The following SGCZ variants were observed in gnomAD, a reference collection of about 807,000 sequenced individuals.
SGCZ encodes sarcoglycan zeta.
A neutral mutation model predicts 41.3 loss-of-function variants in SGCZ; 40 were observed. The ratio of observed to expected loss-of-function variants is 0.97; its 90% CI spans 0.75 to 1.26. The LOEUF (loss-of-function observed/expected upper bound fraction) is 1.26. Among genes scored for constraint, SGCZ ranks in the 50% most tolerant of loss-of-function variants. The pLI is 0.00. For missense variants in SGCZ, 552 were observed against 369.8 expected, an observed-to-expected ratio of 1.49 and a Z score of -4.04; for synonymous variants, 206 against 137.5, an observed-to-expected ratio of 1.50 and a Z score of -3.49.
At chr8:14,938,918 A>G (rs1437629318) in intron 1 of SGCZ, among the ~76,000 whole-genome samples, 1 of 151,960 alleles carries the variant, frequency 6.6e-6, no homozygotes, top group Non-Finnish European at 1.5e-5. Context: ...TGCTGAACCT[A>G]TGGATTCAAA....
chr8:14,350,323 T>C lies in SGCZ; in HGVS notation c.235-26119A>G, dbSNP rs73518226. On this transcript the variant is annotated intron_variant, in intron 2 of 7. Transcript: ENST00000382080. ...TGCATCTGTTTGTGATGGGAACAGG[T>C]CATATTCAATAATCTTAAGAAGCAA... is the stretch of plus-strand genomic sequence containing the variant. Among the ~76,000 whole-genome samples, 1,519 of 152,100 alleles carry C rather than the reference T, an allele frequency of 1.0e-2. 16 individuals are homozygous for C. Among genetic ancestry groups the C allele is most frequent in the African/African-American group, 0.022 (916 of 41,508 alleles).
intron 1 of SGCZ, among the ~76,000 whole-genome samples, chr8:14,653,248 C>G (rs372460015): frequency 2.5e-4 from 38 of 151,948 alleles, no homozygotes; most frequent in African/African-American, 8.5e-4. Context: ...TGTGTCAATT[C>G]TGGTTTGAGG....
At chr8:14,544,925 C>G (rs1803578298) in intron 2 of SGCZ, among the ~76,000 whole-genome samples, 1 of 151,972 alleles carries the variant, frequency 6.6e-6, no homozygotes, top group Admixed American at 6.6e-5. Flanking sequence ...TGCTTTTTGC[C>G]CTTTGAAGCA....
intron 2 of SGCZ, among the ~76,000 whole-genome samples, chr8:14,458,484 C>G (rs577041383): frequency 2.0e-5 from 3 of 152,194 alleles, no homozygotes; most frequent in African/African-American, 7.2e-5. Flanking sequence ...ATAATGAGAT[C>G]TAGGTGTCTC....
chr8:14,382,450 T>C (rs1395281209), intron 2 of SGCZ, among the ~76,000 whole-genome samples: 1 of 151,586 alleles, frequency 6.6e-6, no homozygotes, highest in Non-Finnish European at 1.5e-5. Flanking sequence ...TCACAGAACA[T>C]AGACCATCAC....
intron 1 of SGCZ, among the ~76,000 whole-genome samples, chr8:14,666,014 A>G (rs919770206): frequency 6.6e-5 from 10 of 152,250 alleles, no homozygotes; most frequent in Non-Finnish European, 1.3e-4. Context: ...GCCTTGCAGC[A>G]TTAGGCTCTG....
intron 1 of SGCZ, among the ~76,000 whole-genome samples, chr8:15,122,555 T>G (rs892476118): frequency 1.3e-5 from 2 of 152,158 alleles, no homozygotes; most frequent in Non-Finnish European, 1.5e-5. Context: ...TATATTTTAA[T>G]AGCCCAATGT....
intron 2 of SGCZ, among the ~76,000 whole-genome samples, chr8:14,437,960 A>C (rs1398390275): frequency 1.3e-5 from 2 of 152,000 alleles, no homozygotes; most frequent in African/African-American, 4.8e-5. Context: ...TGGCATATAA[A>C]ATCTAGAATT....
chr8:14,957,951 T>C (rs541520353), intron 1 of SGCZ, among the ~76,000 whole-genome samples: 16 of 152,052 alleles, frequency 1.1e-4, no homozygotes, highest in Non-Finnish European at 1.5e-4. Flanking sequence ...ACTAAGAGTG[T>C]GAAATAAATT....
chr8:14,261,792 G>C (rs1022887987), intron 3 of SGCZ, among the ~76,000 whole-genome samples: 2 of 152,100 alleles, frequency 1.3e-5, no homozygotes, highest in Non-Finnish European at 2.9e-5. Context: ...CATTTCATTA[G>C]GGTATGGACT....
intron 2 of SGCZ, among the ~76,000 whole-genome samples, chr8:14,482,833 C>T (rs552834609): frequency 2.0e-5 from 3 of 151,796 alleles, no homozygotes; most frequent in Non-Finnish European, 4.4e-5. Context: ...AGGCCTTATA[C>T]CATTGTCACT....
At chr8:14,326,186 C>A (rs962679861) in intron 2 of SGCZ, among the ~76,000 whole-genome samples, 1 of 142,402 alleles carries the variant, frequency 7.0e-6, no homozygotes, top group South Asian at 2.3e-4. Flanking sequence ...GCAAGCCCAA[C>A]GTAGACAGAT....
At chr8:14,505,251 T>A (rs1274562204) in intron 2 of SGCZ, among the ~76,000 whole-genome samples, 1 of 152,166 alleles carries the variant, frequency 6.6e-6, no homozygotes, top group Non-Finnish European at 1.5e-5. Context: ...CAAGTACACT[T>A]TGAAATATGT....
At chr8:15,133,979 T>C (rs1294660029) in intron 1 of SGCZ, among the ~76,000 whole-genome samples, 1 of 152,208 alleles carries the variant, frequency 6.6e-6, no homozygotes, top group Admixed American at 6.5e-5. Flanking sequence ...AAAATTATTC[T>C]GAGAAATTAA....
Position 14,464,481 on chromosome 8 carries a change from G to C in SGCZ, c.234+90251C>G, listed in dbSNP as rs573748725. ...CTCAATTCTGATTTTGGAAATTTGA[G>C]TGGTATTTTTTTTTTTTTTTTAGTT... is the stretch of plus-strand genomic sequence containing the variant. On this transcript the variant is annotated intron_variant, in intron 2 of 7. Coordinates refer to ENST00000382080, the MANE Select transcript of SGCZ (RefSeq NM_139167.4). Among the ~76,000 whole-genome samples, 47 of 134,484 alleles carry C rather than the reference G, an allele frequency of 3.5e-4. 1 individual carries two copies. Among genetic ancestry groups the C allele is most frequent in the African/African-American group, 1.3e-3 (45 of 35,198 alleles). 88.2% of individuals were successfully genotyped at this position (134,484 alleles called of 152,430 possible).
chr8:14,283,176 T>C (rs1425396057), intron 3 of SGCZ, among the ~76,000 whole-genome samples: 1 of 151,794 alleles, frequency 6.6e-6, no homozygotes, highest in Non-Finnish European at 1.5e-5. Context: ...GCTCTCTCCT[T>C]CTCTTGTCGA....
intron 5 of SGCZ, among the ~76,000 whole-genome samples, chr8:14,157,780 T>C (rs1803921817): frequency 6.6e-6 from 1 of 152,118 alleles, no homozygotes; most frequent in African/African-American, 2.4e-5. Flanking sequence ...ACTAGTTATA[T>C]CCCCATAATA....
chr8:14,646,186 T>A (rs1807209079), intron 1 of SGCZ, among the ~76,000 whole-genome samples: 1 of 151,784 alleles, frequency 6.6e-6, no homozygotes, highest in South Asian at 2.1e-4. Flanking sequence ...AAGTAGTTTT[T>A]CAGCTTACTG....
intron 2 of SGCZ, among the ~76,000 whole-genome samples, chr8:14,376,294 G>C (rs565650317): frequency 6.6e-6 from 1 of 152,150 alleles, no homozygotes; most frequent in South Asian, 2.1e-4. Flanking sequence ...CTGGGCAACA[G>C]AGCGGGACTC....
Sources: allele counts gnomAD v4.1 joint callset (sites outside exome capture counted in the v4.1 genomes callset), GRCh38; gene constraint gnomAD v4.1.1; transcripts MANE v1.5; gene names NCBI Gene and HGNC (gene_info 2026-07-23, HGNC 2026-07-21).